The following ELMO2 variants were observed in gnomAD, a reference collection of about 807,000 sequenced individuals.
ELMO2 encodes the protein engulfment and cell motility protein 2.
Under a neutral mutation model 96.2 loss-of-function variants are expected in ELMO2, and 37 were observed. That is an observed-to-expected ratio of 0.38 (90% CI 0.30 to 0.51). The LOEUF (loss-of-function observed/expected upper bound fraction) is 0.51, where lower values mean the gene tolerates loss of function less well. Among genes scored for constraint, ELMO2 ranks in the 20% least tolerant of loss-of-function variants. ELMO2 has a pLI of 0.88. For synonymous variants in ELMO2, 315 were observed against 329.4 expected (o/e 0.96, Z 0.47); for missense variants, 561 against 912.6 (o/e 0.61, Z 4.96).
chr20:46,380,548 A>G (rs1054736881), intron 10 of ELMO2, among the ~76,000 whole-genome samples: 1 of 152,196 alleles, frequency 6.6e-6, no homozygotes, highest in Non-Finnish European at 1.5e-5. Context: ...TAATGGCACA[A>G]TCAACTCCAC....
At chr20:46,373,628 A>C in intron 15 of ELMO2, 93 bp from the exon 16 acceptor site, 2 of 1,533,780 alleles carry the variant, frequency 1.3e-6, no homozygotes, top group Non-Finnish European at 1.8e-6. Flanking sequence ...AGTCCCGAGG[A>C]ACAAAAGCAG....
chr20:46,366,425 A>AG lies in ELMO2; in HGVS notation c.*934dup, dbSNP rs1206977167. The AG allele has an allele frequency of 5.9e-5, 9 of 152,714 alleles. No homozygotes were observed. The highest frequency in any genetic ancestry group is 1.7e-4 in the African/African-American group (7 of 41,468). 9.5% of individuals were successfully genotyped at this position (152,714 alleles called of 1,614,324 possible). ...CACAGGTGTGGCCTCAGCCGGCCTC[A>AG]GCCAGCTCCCTGAAATCATGGCCAA... On this transcript the variant is annotated 3_prime_UTR_variant, in exon 22 of 22. Transcript: ENST00000290246.
chr20:46,385,626 T>A (rs2060027744), intron 9 of ELMO2, among the ~76,000 whole-genome samples: 1 of 152,170 alleles, frequency 6.6e-6, no homozygotes, highest in Non-Finnish European at 1.5e-5. Flanking sequence ...TGTGTGATAT[T>A]TCTTACAAAT....
At chr20:46,401,503 C>T (rs779203672) in intron 1 of ELMO2, among the ~76,000 whole-genome samples, 1 of 152,154 alleles carries the variant, frequency 6.6e-6, no homozygotes. Context: ...CATCTTGATT[C>T]CTGCTGTAAG....
intron 8 of ELMO2, 47 bp from the exon 9 acceptor site, chr20:46,386,322 A>C: frequency 1.2e-6 from 2 of 1,603,978 alleles, no homozygotes; most frequent in Non-Finnish European, 1.7e-6. Flanking sequence ...GGGCCCAAGA[A>C]AGATAGAAGC....
At chr20:46,370,272 G>C (rs1415333798) in intron 20 of ELMO2, 171 bp downstream of exon 20, 1 of 708,914 alleles carries the variant, frequency 1.4e-6, no homozygotes, top group East Asian at 2.7e-5. Context: ...GCTGAGTCTG[G>C]GTGATGTGTA....
intron 6 of ELMO2, among the ~76,000 whole-genome samples, chr20:46,391,953 A>G (rs1203607291): frequency 6.6e-6 from 1 of 152,196 alleles, no homozygotes; most frequent in African/African-American, 2.4e-5. Flanking sequence ...GTTTTCTTTT[A>G]AAACCAAGCT....
chr20:46,367,570 G>C lies in ELMO2; in HGVS notation c.1963-10C>G. ...CAATCCAGATGCAGTACTGTGGGGA[G>C]CAAGTTGCAAAATGTCACATCGTGA... On this transcript the variant is annotated splice_polypyrimidine_tract_variant and intron_variant, in intron 21 of 21. Transcript: ENST00000290246. 1 of 1,589,174 alleles carries C rather than the reference G, an allele frequency of 6.3e-7. No homozygotes were observed. Among genetic ancestry groups the C allele is most frequent in the Non-Finnish European group, 8.5e-7 (1 of 1,169,626 alleles).
intron 6 of ELMO2, among the ~76,000 whole-genome samples, chr20:46,392,265 C>T (rs1313151713): frequency 2.0e-5 from 3 of 152,196 alleles, no homozygotes; most frequent in Non-Finnish European, 4.4e-5. Flanking sequence ...CCTTTAAGGG[C>T]TGCTCTTGCA....
In ELMO2 at chr20:46,372,090, T is replaced by C; in HGVS notation, c.1417-121A>G. The C allele has an allele frequency of 2.5e-6, 3 of 1,223,920 alleles. No homozygotes were observed. The South Asian group carries it at 4.3e-5, about 17-fold the overall frequency. 75.8% of individuals were successfully genotyped at this position (1,223,920 alleles called of 1,614,324 possible). A position where few individuals can be genotyped will look rare whatever the true frequency, so the allele number is the denominator to read the frequency against. ...TTGAGCAGGGCAGGCACTACAGACA[T>C]CTGCTGGGTGAGTAAGGTATACCTT... On this transcript the variant is annotated intron_variant, in intron 16 of 21. Coordinates refer to ENST00000290246, the MANE Select transcript of ELMO2 (RefSeq NM_133171.5).
chr20:46,374,870 G>C (rs1022728585), intron 13 of ELMO2, among the ~76,000 whole-genome samples: 1 of 152,166 alleles, frequency 6.6e-6, no homozygotes. Context: ...TGCACACTGA[G>C]TAGGTACGCA....
At chr20:46,369,257 C>T in intron 20 of ELMO2, 1 of 301,138 alleles carries the variant, frequency 3.3e-6, no homozygotes, top group East Asian at 5.9e-5. Context: ...CGATCCATGA[C>T]TGTAAGTTAT....
chr20:46,382,264 C>G (rs139518627), intron 10 of ELMO2: 2 of 1,289,658 alleles, frequency 1.6e-6, no homozygotes, highest in African/African-American at 1.5e-5. Flanking sequence ...AGCAAAAGCA[C>G]AGAGAGAAGC....
At chr20:46,379,898 A>C in intron 11 of ELMO2, 1 of 191,212 alleles carries the variant, frequency 5.2e-6, no homozygotes, top group Non-Finnish European at 1.1e-5. Context: ...TCAGTGCCCT[A>C]CACAATTCAG....
chr20:46,401,008 C>T (rs1386157756), intron 1 of ELMO2, among the ~76,000 whole-genome samples: 2 of 152,172 alleles, frequency 1.3e-5, no homozygotes, highest in Non-Finnish European at 2.9e-5. Context: ...CCCCTCCTTC[C>T]CCCTATTCCT....
chr20:46,378,293 C>T (rs60288560), intron 11 of ELMO2, among the ~76,000 whole-genome samples: 2,607 of 152,284 alleles, frequency 0.017, 66 homozygotes, highest in African/African-American at 0.059. Flanking sequence ...AGTGACCATG[C>T]ATTAGCCATT....
At chr20:46,369,955 T>A in intron 20 of ELMO2, 1 of 210,938 alleles carries the variant, frequency 4.7e-6, no homozygotes, top group Non-Finnish European at 8.7e-6. Context: ...ACAAGATGGG[T>A]ATGGGGGTGT....
At chr20:46,393,870 T>G in intron 4 of ELMO2, 179 bp downstream of exon 4, 1 of 879,898 alleles carries the variant, frequency 1.1e-6, no homozygotes, top group Non-Finnish European at 1.7e-6. Context: ...AATTAAGAAG[T>G]ATAAACGTCT....
chr20:46,373,127 C>T (rs1474550411), intron 16 of ELMO2: 1 of 415,672 alleles, frequency 2.4e-6, no homozygotes, highest in Non-Finnish European at 4.4e-6. Flanking sequence ...TAATGCTTAT[C>T]CTCCTGACCT....
Sources: gnomAD v4.1 joint callset for allele counts (sites outside exome capture counted in the v4.1 genomes callset) on GRCh38, gnomAD v4.1.1 for gene constraint, MANE v1.5 for transcripts, NCBI Gene and HGNC (gene_info 2026-07-23, HGNC 2026-07-21) for gene names.